The following SIX4 variants were observed in gnomAD, a reference collection of about 807,000 sequenced individuals.
The protein encoded by SIX4 is homeobox protein SIX4.
In SIX4, 23 loss-of-function variants were observed where a neutral mutation model predicts 51.5. The ratio of observed to expected loss-of-function variants is 0.45; its 90% CI spans 0.32 to 0.63. SIX4 has a LOEUF of 0.63. Among genes scored for constraint, SIX4 ranks in the 30% least tolerant of loss-of-function variants. The probability of loss-of-function intolerance (pLI) is 0.04; values close to 1 mark genes in which losing one functional copy is unlikely to be tolerated. For missense variants in SIX4, 867 were observed against 984.0 expected (o/e 0.88, Z 1.59); for synonymous variants, 413 against 417.3 (o/e 0.99, Z 0.13).
chr14:60,716,194 A>G (rs139689587), intron 2 of SIX4, among the ~76,000 whole-genome samples: 218 of 150,238 alleles, frequency 1.5e-3, no homozygotes, highest in Non-Finnish European at 2.7e-3. Flanking sequence ...AATCCCTCCC[A>G]CTTCAGCCTC....
intron 2 of SIX4, among the ~76,000 whole-genome samples, chr14:60,715,423 A>G (rs1025948173): frequency 3.9e-5 from 6 of 152,268 alleles, no homozygotes; most frequent in African/African-American, 1.4e-4. Context: ...CCATAAAGTA[A>G]TAAGTCAACA....
chr14:60,723,070 A>C, intron 1 of SIX4, 142 bp downstream of exon 1: 16 of 1,355,396 alleles, frequency 1.2e-5, no homozygotes, highest in East Asian at 6.1e-5. Context: ...CCGGGGAGCG[A>C]GGTAGGGGGC....
rs566262988 is a variant in SIX4 at position 60,710,099 on chromosome 14, G to T, written c.*3308C>A. The stretch of plus-strand genomic sequence containing the variant: ...AGATGATCTGTCAAAACATTTTAAA[G>T]AATGAAGAACTTGTGGCTATGTACT... On this transcript the variant is annotated 3_prime_UTR_variant, in exon 3 of 3. Transcript: ENST00000216513. 14 of 152,670 alleles carry T rather than the reference G, an allele frequency of 9.2e-5. No individual in the cohort carries two copies. Among genetic ancestry groups the T allele is most frequent in the African/African-American group, 3.4e-4 (14 of 41,546 alleles). 9.5% of individuals were successfully genotyped at this position (152,670 alleles called of 1,614,324 possible).
At chr14:60,714,972 TA>T (rs11449594) in intron 2 of SIX4, among the ~76,000 whole-genome samples, 3,572 of 129,272 alleles carry the variant, frequency 0.028, 136 homozygotes, top group African/African-American at 0.093. Context: ...GCCCTTTCTT[TA>T]AAAAAAAAAA....
chr14:60,723,622 C>T lies in SIX4; in HGVS notation c.453G>A (p.Ala151=), dbSNP rs200708893. The change falls in exon 1 of 3, where the codon GCG becomes GCA. Residue 151 remains alanine (A), a synonymous_variant. Coordinates refer to ENST00000216513, the MANE Select transcript of SIX4 (RefSeq NM_017420.5). ...CCTGGTGGAAGGCCACGAGCGCCCG[C>T]GCCTTCAGCAGGCTCTCGTTGCCAC... The part of the protein sequence containing the change: ...LLRGNESLLK[A]RALVAFHQGI... 1.5e-5 allele frequency: 24 copies of T among 1,607,368 alleles called. No homozygotes were observed. Among genetic ancestry groups the T allele is most frequent in the East Asian group, 2.2e-5 (1 of 44,510 alleles).
Position 60,720,506 on chromosome 14 carries a change from C to T in SIX4, c.864-61G>A. On this transcript the variant is annotated intron_variant, in intron 1 of 2. Transcript: ENST00000216513. This position sits in a 1 kb window ranked among gnomAD's most constrained non-coding sequence, Gnocchi z 5.5. ...CAGGGGGATGACATTCTACACAGTG[C>T]CACTTGTTTGGAAAACCAGCTTCTA... 3 of 1,489,762 alleles carry T rather than the reference C, an allele frequency of 2.0e-6. No individual in the cohort carries two copies. Among genetic ancestry groups the T allele is most frequent in the Non-Finnish European group, 2.7e-6 (3 of 1,105,748 alleles). The allele number at this position is 1,489,762 out of a possible 1,614,324, so 92.3% of individuals were successfully genotyped here. A position where few individuals can be genotyped will look rare whatever the true frequency, so the allele number is the denominator to read the frequency against.
Position 60,713,672 on chromosome 14 carries a change from T to A in SIX4, c.2081A>T (p.Asp694Val). 2.5e-6 allele frequency: 4 copies of A among 1,614,262 alleles called. No homozygotes were observed. The highest frequency in any genetic ancestry group is 3.4e-6 in the Non-Finnish European group (4 of 1,180,036). The part of the protein sequence containing the change: ...ALGEIVPTAE[D>V]QVGHPSPAVH... ...TGCTGGGGAGGGGTGACCTACCTGA[T>A]CTTCAGCTGTAGGAACTATTTCCCC... Residue 694 changes from aspartate (D) to valine (V), a missense_variant, in exon 3 of 3, where the codon GAT (aspartate) becomes GTT (valine). Coordinates refer to ENST00000216513, the MANE Select transcript of SIX4 (RefSeq NM_017420.5).
intron 1 of SIX4, 115 bp downstream of exon 1, chr14:60,723,097 C>G: frequency 7.0e-7 from 1 of 1,419,472 alleles, no homozygotes. Context: ...AGGTGGGCAG[C>G]CGGACCAGGC....
chr14:60,710,776 TAGAAA>T lies in SIX4; in HGVS notation c.*2626_*2630del, dbSNP rs2140264178. The T allele has an allele frequency of 1.3e-5, 2 of 152,676 alleles. No individual in the cohort carries two copies. The highest frequency in any genetic ancestry group is 4.8e-5 in the African/African-American group (2 of 41,558). 9.5% of individuals were successfully genotyped at this position (152,676 alleles called of 1,614,324 possible). On this transcript the variant is annotated 3_prime_UTR_variant, in exon 3 of 3. Transcript: ENST00000216513. ...ACTGGCCCTTATTCAACTGAAAGAA[TAGAAA>T]AGAACAATAAGTTCTTTATACTGTG...
chr14:60,721,900 C>A (rs1177264944), intron 1 of SIX4, among the ~76,000 whole-genome samples: 3 of 152,244 alleles, frequency 2.0e-5, no homozygotes, highest in African/African-American at 7.2e-5. Flanking sequence ...CATCCCGGTG[C>A]ACCTTTTGTT....
At chr14:60,723,127 C>T in intron 1 of SIX4, 85 bp downstream of exon 1, 2 of 1,438,446 alleles carry the variant, frequency 1.4e-6, no homozygotes, top group Non-Finnish European at 1.8e-6. Context: ...AGGTAAGCGC[C>T]ATGTTTGCGA....
At position 60,722,754 on chromosome 14, in the gene SIX4, G is replaced by A. The variant is rs1472838803; in HGVS notation, c.863+458C>T. Among the ~76,000 whole-genome samples the A allele has an allele frequency of 2.0e-5, 3 of 152,070 alleles. No homozygotes were observed. Among genetic ancestry groups the A allele is most frequent in the African/African-American group, 7.2e-5 (3 of 41,452 alleles). On this transcript the variant is annotated intron_variant, in intron 1 of 2. Coordinates refer to ENST00000216513, the MANE Select transcript of SIX4 (RefSeq NM_017420.5). This position sits in a 1 kb window ranked among gnomAD's most constrained non-coding sequence, Gnocchi z 5.9. ...ATCCGGGAGCGTGCGCGCGCGCCAGGCCCGGTGTGACCTCGCGGAGGTGCA... is the reference window on the plus strand; with the variant it reads ...ATCCGGGAGCGTGCGCGCGCGCCAGACCCGGTGTGACCTCGCGGAGGTGCA...
At position 60,724,123 on chromosome 14, in the gene SIX4, C is replaced by T; in HGVS notation, c.-49G>A. 6.3e-7 allele frequency: 1 copy of T among 1,598,670 alleles called. No homozygotes were observed. Among genetic ancestry groups the T allele is most frequent in the Non-Finnish European group, 8.5e-7 (1 of 1,171,822 alleles). Reference sequence around the variant, plus strand: ...TCCCTCACTCCCTCGCACTCTTTTCCTCTTTCTTTCCTCCTCTCTTACTCC... The same window carrying T: ...TCCCTCACTCCCTCGCACTCTTTTCTTCTTTCTTTCCTCCTCTCTTACTCC... On this transcript the variant is annotated 5_prime_UTR_variant, in exon 1 of 3. Coordinates refer to ENST00000216513, the MANE Select transcript of SIX4 (RefSeq NM_017420.5).
chr14:60,713,341 G>T lies in SIX4; in HGVS notation c.*66C>A. 2 of 1,488,320 alleles carry T rather than the reference G, an allele frequency of 1.3e-6. No homozygotes were observed. Among genetic ancestry groups the T allele is most frequent in the Non-Finnish European group, 1.8e-6 (2 of 1,111,558 alleles). 92.2% of individuals were successfully genotyped at this position (1,488,320 alleles called of 1,614,324 possible). Reference sequence around the variant, plus strand: ...TTTCCTTTAAATGGGAAAATGTTTTGTGTCCTTGGGGCTTCATGAAAAGAT... The same window carrying T: ...TTTCCTTTAAATGGGAAAATGTTTTTTGTCCTTGGGGCTTCATGAAAAGAT... On this transcript the variant is annotated 3_prime_UTR_variant, in exon 3 of 3. Coordinates refer to ENST00000216513, the MANE Select transcript of SIX4 (RefSeq NM_017420.5).
At position 60,709,662 on chromosome 14, in the gene SIX4, T is replaced by C. The variant is rs1895788779; in HGVS notation, c.*3745A>G. Reference sequence around the variant, plus strand: ...CCCCATTACAGTACGACATACATACTTCAGATCTCTTTGGTTGGGTAATTA... The same window carrying C: ...CCCCATTACAGTACGACATACATACCTCAGATCTCTTTGGTTGGGTAATTA... On this transcript the variant is annotated 3_prime_UTR_variant, in exon 3 of 3. Coordinates refer to ENST00000216513, the MANE Select transcript of SIX4 (RefSeq NM_017420.5). The surrounding 1 kb of genome is among the most constrained non-coding windows in gnomAD (Gnocchi z 4.1). 6.6e-6 allele frequency: 1 copy of C among 152,628 alleles called. No homozygotes were observed. The allele number at this position is 152,628 out of a possible 1,614,324, so 9.5% of individuals were successfully genotyped here.
At chr14:60,721,893 C>A (rs183484874) in intron 1 of SIX4, among the ~76,000 whole-genome samples, 1 of 152,254 alleles carries the variant, frequency 6.6e-6, no homozygotes, top group Non-Finnish European at 1.5e-5. Flanking sequence ...GCACGCACAT[C>A]CCGGTGCACC....
In SIX4 at chr14:60,724,170, C is replaced by T. The variant is rs1426323229; in HGVS notation, c.-96G>A. On this transcript the variant is annotated 5_prime_UTR_variant, in exon 1 of 3. Coordinates refer to ENST00000216513, the MANE Select transcript of SIX4 (RefSeq NM_017420.5). ...CTCCTCCTCCTTCGTCTCCCTCCCT[C>T]CTCTCCCCCTCCGGAAAGCCCACTC... The T allele has an allele frequency of 1.1e-5, 17 of 1,595,528 alleles. No individual in the cohort carries two copies. The highest frequency in any genetic ancestry group is 1.3e-5 in the Non-Finnish European group (15 of 1,175,508).
At chr14:60,716,230 T>C (rs7146721) in intron 2 of SIX4, among the ~76,000 whole-genome samples, 143,599 of 151,790 alleles carry the variant, frequency 0.95, 68,208 homozygotes, top group Non-Finnish European at 0.99. Context: ...TACAGGTACG[T>C]ACTACTATGC....
At chr14:60,721,513 G>C (rs1215986227) in intron 1 of SIX4, among the ~76,000 whole-genome samples, 3 of 152,310 alleles carry the variant, frequency 2.0e-5, no homozygotes, top group Non-Finnish European at 4.4e-5. Flanking sequence ...TACAAGCTGA[G>C]GCTGAGCCGC....
Sources: gnomAD v4.1 joint callset for allele counts (sites outside exome capture counted in the v4.1 genomes callset) on GRCh38, gnomAD v4.1.1 for gene constraint, Gnocchi (gnomAD v3.1) non-coding constraint, MANE v1.5 for transcripts, NCBI Gene and HGNC (gene_info 2026-07-23, HGNC 2026-07-21) for gene names.